TTC23L: variants seen among roughly 807,000 people sequenced by gnomAD.
TTC23L encodes the protein tetratricopeptide repeat protein 23-like.
TTC23L carries 42 observed loss-of-function variants against 48.1 expected under a neutral mutation model. That is an observed-to-expected ratio of 0.87 (90% CI 0.68 to 1.13). The LOEUF (loss-of-function observed/expected upper bound fraction) is 1.13. TTC23L is among the 50% of genes most tolerant of loss of function. The pLI is 0.00. For missense variants in TTC23L, 391 were observed against 421.0 expected (o/e 0.93, Z 0.62); for synonymous variants, 159 against 157.2 (o/e 1.01, Z -0.09).
At chr5:34,923,149 G>A in the TTC23L span, 358 of 1,613,564 alleles carry the variant, frequency 2.2e-4, no homozygotes, top group African/African-American at 4.0e-3. Context: ...AGTACACCAC[G>A]GTATCATCCC....
At chr5:34,858,801 G>GT (rs566727119) in intron 4 of TTC23L, among the ~76,000 whole-genome samples, 1 of 152,126 alleles carries the variant, frequency 6.6e-6, no homozygotes, top group Non-Finnish European at 1.5e-5. Flanking sequence ...GGTGAAAGAA[G>GT]TTTTTTCCCT....
the TTC23L span, chr5:34,920,037 ATC>A: frequency 8.5e-6 from 4 of 469,802 alleles, no homozygotes; most frequent in African/African-American, 4.1e-5. Flanking sequence ...CCAAATTTTT[ATC>A]TCTCACAGTT....
At chr5:34,888,817 C>G (rs979586939) in intron 9 of TTC23L, among the ~76,000 whole-genome samples, 2 of 152,136 alleles carry the variant, frequency 1.3e-5, no homozygotes, top group African/African-American at 4.8e-5. Flanking sequence ...CCCCGCAAGA[C>G]AAGGTTGTTG....
intron 9 of TTC23L, among the ~76,000 whole-genome samples, chr5:34,891,586 A>G (rs1450673326): frequency 1.3e-5 from 2 of 152,208 alleles, no homozygotes; most frequent in Non-Finnish European, 2.9e-5. Context: ...TAGTTTTGAG[A>G]TTTTGAATCT....
chr5:34,854,730 A>T (rs747946044), intron 4 of TTC23L, among the ~76,000 whole-genome samples: 5 of 152,192 alleles, frequency 3.3e-5, no homozygotes, highest in African/African-American at 4.8e-5. Context: ...ATTTCTCTCA[A>T]TAAACAGTCA....
At chr5:34,877,940 A>T (rs190792719) in intron 8 of TTC23L, among the ~76,000 whole-genome samples, 46 of 152,358 alleles carry the variant, frequency 3.0e-4, no homozygotes, top group African/African-American at 9.9e-4. Context: ...ATTTGAAAGA[A>T]TCAACAAAAA....
the TTC23L span, chr5:34,923,263 C>CT: frequency 3.2e-5 from 46 of 1,455,350 alleles, no homozygotes; most frequent in Non-Finnish European, 4.1e-5. Context: ...TTAATTATAC[C>CT]TTTTTTTTAA....
intron 8 of TTC23L, among the ~76,000 whole-genome samples, chr5:34,871,978 T>G (rs1412159938): frequency 6.6e-6 from 1 of 152,062 alleles, no homozygotes; most frequent in Non-Finnish European, 1.5e-5. Flanking sequence ...AAAATTTATA[T>G]TTACATAGAA....
the TTC23L span, chr5:34,915,579 A>T: frequency 2.2e-6 from 2 of 929,122 alleles, no homozygotes; most frequent in Middle Eastern, 3.5e-4. Flanking sequence ...GGAGGCCTAG[A>T]GAGCCGCGCG....
the TTC23L span, among the ~76,000 whole-genome samples, chr5:34,913,234 C>T: frequency 1.3e-5 from 2 of 151,972 alleles, no homozygotes; most frequent in Non-Finnish European, 2.9e-5. Context: ...TTCGAATTTA[C>T]AATCCCTCAA....
chr5:34,917,128 A>G, the TTC23L span, among the ~76,000 whole-genome samples: 6 of 152,166 alleles, frequency 3.9e-5, no homozygotes, highest in Non-Finnish European at 7.3e-5. Flanking sequence ...ATGAGAGGGA[A>G]CACTCCAAGG....
intron 9 of TTC23L, among the ~76,000 whole-genome samples, chr5:34,891,103 ATGAATGTTG>A (rs958454935): frequency 1.0e-3 from 152 of 152,352 alleles, no homozygotes; most frequent in African/African-American, 3.6e-3. Flanking sequence ...TAAATGCCCA[ATGAATGTTG>A]AGATCTTAAT....
chr5:34,874,216 G>A (rs530639629), intron 8 of TTC23L, among the ~76,000 whole-genome samples: 4 of 152,202 alleles, frequency 2.6e-5, no homozygotes, highest in Non-Finnish European at 4.4e-5. Context: ...CAGACTTGAC[G>A]TAAAGAAATA....
chr5:34,868,975 C>T, exon 8 of TTC23L: 1 of 1,610,582 alleles, frequency 6.2e-7, no homozygotes, highest in Non-Finnish European at 8.5e-7. Flanking sequence ...GCGTTACTGG[C>T]CAAAGCTTAT....
At chr5:34,840,615 C>T in intron 1 of TTC23L, 50 bp from the exon 2 acceptor site, 1 of 1,509,008 alleles carries the variant, frequency 6.6e-7, no homozygotes, top group Non-Finnish European at 9.2e-7. Context: ...GAAAATAGAA[C>T]AGACACCCAG....
intron 9 of TTC23L, among the ~76,000 whole-genome samples, chr5:34,885,982 TTAAAA>T (rs1428811016): frequency 6.6e-6 from 1 of 152,026 alleles, no homozygotes; most frequent in Admixed American, 6.5e-5. Context: ...TTGAAAAAAA[TTAAAA>T]TAAAAAATAG....
At chr5:34,864,414 G>A in intron 5 of TTC23L, 23 bp from the exon 6 acceptor site, 1 of 1,612,516 alleles carries the variant, frequency 6.2e-7, no homozygotes, top group Non-Finnish European at 8.5e-7. Flanking sequence ...TTGAGTGCTT[G>A]CCATTTTCCT....
downstream of TTC23L, among the ~76,000 whole-genome samples, chr5:34,900,063 A>G (rs940904303): frequency 6.6e-6 from 1 of 152,184 alleles, no homozygotes; most frequent in Non-Finnish European, 1.5e-5. Context: ...ACTTTTTAAA[A>G]AATTCTGCGA....
chr5:34,901,520 T>C (rs1763511312), downstream of TTC23L, among the ~76,000 whole-genome samples: 1 of 152,126 alleles, frequency 6.6e-6, no homozygotes, highest in Non-Finnish European at 1.5e-5. Context: ...CCCAGCACTT[T>C]GGGAGGCCGA....
Sources: allele counts gnomAD v4.1 joint callset (sites outside exome capture counted in the v4.1 genomes callset), GRCh38; gene constraint gnomAD v4.1.1; transcripts MANE v1.5; gene names NCBI Gene and HGNC (gene_info 2026-07-23, HGNC 2026-07-21).